The following TNS3 variants were observed in gnomAD, a reference collection of about 807,000 sequenced individuals.
TNS3 encodes tensin 3.
A neutral mutation model predicts 140.9 loss-of-function variants in TNS3; 45 were observed. That is an observed-to-expected ratio of 0.32 (90% CI 0.25 to 0.41). The LOEUF is 0.41. Ranked by LOEUF, TNS3 falls within the 10% of genes least tolerant of loss-of-function variation. The probability of loss-of-function intolerance (pLI) is 1.00; values close to 1 mark genes in which losing one functional copy is unlikely to be tolerated. For missense variants in TNS3, 1,716 were observed against 1,906.7 expected (o/e 0.90, Z 1.86); for synonymous variants, 815 against 788.4 (o/e 1.03, Z -0.56).
rs71003401 is a variant in TNS3 at position 47,448,476 on chromosome 7, A to ATTTTT, written c.-75-6426_-75-6422dup. The stretch of plus-strand genomic sequence containing the variant: ...AGAGCCCAACTCTGGTGGGAATTCG[A>ATTTTT]TTTTTTTTTTTTTTTTTTTTTGAGA... On this transcript the variant is annotated intron_variant, in intron 4 of 30. Coordinates refer to ENST00000311160, the MANE Select transcript of TNS3 (RefSeq NM_022748.12). 2.6e-3 allele frequency among the ~76,000 whole-genome samples: 335 copies of ATTTTT among 129,638 alleles called. 8 individuals are homozygous for ATTTTT. Among genetic ancestry groups the ATTTTT allele is most frequent in the African/African-American group, 8.8e-3 (285 of 32,224 alleles). The allele number at this position is 129,638 out of a possible 152,430, so 85.0% of individuals were successfully genotyped here. A position where few individuals can be genotyped will look rare whatever the true frequency, so the allele number is the denominator to read the frequency against.
chr7:47,444,489 C>T (rs1795624650), intron 4 of TNS3, among the ~76,000 whole-genome samples: 1 of 152,228 alleles, frequency 6.6e-6, no homozygotes, highest in South Asian at 2.1e-4. Flanking sequence ...GACAACCACA[C>T]AAATACGTGA....
Position 47,469,653 on chromosome 7 carries a change from T to G in TNS3, c.-76+11450A>C, listed in dbSNP as rs531373392. On this transcript the variant is annotated intron_variant, in intron 4 of 30. Transcript: ENST00000311160. ...AGCAAAGACATAGAATTATCCTAAG[T>G]GCCATTAAGGGTGGACTGGATAAAG... Among the ~76,000 whole-genome samples the G allele has an allele frequency of 4.6e-5, 7 of 152,278 alleles. No individual in the cohort carries two copies. The South Asian group carries it at 1.4e-3, about 32-fold the overall frequency.
At chr7:47,527,783 C>G (rs1435784793) in intron 2 of TNS3, among the ~76,000 whole-genome samples, 1 of 152,084 alleles carries the variant, frequency 6.6e-6, no homozygotes, top group Non-Finnish European at 1.5e-5. Flanking sequence ...GTGGCGCATG[C>G]CTATAGTCCA....
chr7:47,518,439 A>T (rs547722445), intron 2 of TNS3, among the ~76,000 whole-genome samples: 1 of 152,304 alleles, frequency 6.6e-6, no homozygotes, highest in Non-Finnish European at 1.5e-5. Flanking sequence ...ACACTTCAAG[A>T]CAACAGCCCC....
chr7:47,301,155 T>C (rs1786377053), intron 23 of TNS3, among the ~76,000 whole-genome samples: 2 of 152,202 alleles, frequency 1.3e-5, no homozygotes, highest in Non-Finnish European at 2.9e-5. Context: ...AGGAGCCAAG[T>C]GGGTCTCCTG....
chr7:47,483,170 A>AG (rs1446442533), intron 3 of TNS3, among the ~76,000 whole-genome samples: 27 of 78,502 alleles, frequency 3.4e-4, no homozygotes, highest in African/African-American at 7.7e-4. Flanking sequence ...GAGTGTGTCC[A>AG]ATTTTTTTTT....
chr7:47,508,786 T>C (rs1268755004), intron 2 of TNS3, among the ~76,000 whole-genome samples: 1 of 152,178 alleles, frequency 6.6e-6, no homozygotes, highest in Non-Finnish European at 1.5e-5. Flanking sequence ...GTCTCCAGGA[T>C]CACTCATTCT....
intron 20 of TNS3, among the ~76,000 whole-genome samples, chr7:47,306,292 A>G (rs1270843143): frequency 6.6e-6 from 1 of 152,144 alleles, no homozygotes; most frequent in African/African-American, 2.4e-5. Context: ...GAAAGCCCTG[A>G]CCACTCAACT....
chr7:47,351,399 G>A (rs566825906), intron 17 of TNS3, among the ~76,000 whole-genome samples: 2 of 152,096 alleles, frequency 1.3e-5, no homozygotes, highest in East Asian at 3.9e-4. Flanking sequence ...TACAATGCAA[G>A]GCGTCCTGCA....
chr7:47,511,862 C>T (rs1279754386), intron 2 of TNS3, among the ~76,000 whole-genome samples: 2 of 152,294 alleles, frequency 1.3e-5, no homozygotes, highest in African/African-American at 2.4e-5. Context: ...CGGAGCCTGC[C>T]GGCCGCTGCA....
At chr7:47,470,169 G>A (rs149346127) in intron 4 of TNS3, among the ~76,000 whole-genome samples, 13 of 152,120 alleles carry the variant, frequency 8.5e-5, no homozygotes, top group East Asian at 1.9e-4. Flanking sequence ...CTGAGCACAC[G>A]TGAACATAAA....
At chr7:47,535,944 C>T (rs1482786552) in intron 1 of TNS3, among the ~76,000 whole-genome samples, 1 of 152,224 alleles carries the variant, frequency 6.6e-6, no homozygotes, top group Non-Finnish European at 1.5e-5. Flanking sequence ...TTTAGGTAGG[C>T]ATTCAGGCAC....
intron 4 of TNS3, among the ~76,000 whole-genome samples, chr7:47,460,419 C>G (rs751598462): frequency 6.6e-6 from 1 of 152,130 alleles, no homozygotes; most frequent in South Asian, 2.1e-4. Context: ...GCAGCTGCCC[C>G]GCACGGTGGT....
At chr7:47,362,535 T>G (rs746544821) in intron 17 of TNS3, among the ~76,000 whole-genome samples, 5 of 152,146 alleles carry the variant, frequency 3.3e-5, no homozygotes, top group Non-Finnish European at 5.9e-5. Flanking sequence ...AGCACTTCCC[T>G]CAACAGGTTT....
At chr7:47,386,949 C>T (rs1333312920) in intron 16 of TNS3, among the ~76,000 whole-genome samples, 2 of 152,200 alleles carry the variant, frequency 1.3e-5, no homozygotes, top group East Asian at 3.8e-4. Context: ...GACACCTATG[C>T]CTTCTACCTC....
At chr7:47,493,320 G>A (rs373327490) in intron 3 of TNS3, among the ~76,000 whole-genome samples, 2 of 152,320 alleles carry the variant, frequency 1.3e-5, no homozygotes, top group African/African-American at 4.8e-5. Flanking sequence ...ACTCGGAGAT[G>A]AGAAAGAATT....
At chr7:47,581,157 C>G (rs1325390060) in intron 1 of TNS3, among the ~76,000 whole-genome samples, 1 of 152,086 alleles carries the variant, frequency 6.6e-6, no homozygotes, top group Non-Finnish European at 1.5e-5. Flanking sequence ...ACTCAAATCA[C>G]TCCAAGCAAA....
chr7:47,295,612 G>A (rs1311993877), intron 24 of TNS3, among the ~76,000 whole-genome samples: 5 of 152,098 alleles, frequency 3.3e-5, no homozygotes, highest in African/African-American at 9.7e-5. Context: ...CCTACACAAC[G>A]CCTTCTCTCT....
intron 16 of TNS3, among the ~76,000 whole-genome samples, chr7:47,377,715 C>G (rs1381939935): frequency 6.6e-6 from 1 of 151,336 alleles, no homozygotes; most frequent in Non-Finnish European, 1.5e-5. Context: ...TTTCCCCCTC[C>G]TCCCTTTCCT....
Sources: allele counts gnomAD v4.1 joint callset (sites outside exome capture counted in the v4.1 genomes callset), GRCh38; gene constraint gnomAD v4.1.1; transcripts MANE v1.5; gene names NCBI Gene and HGNC (gene_info 2026-07-23, HGNC 2026-07-21).